The following OS9 variants were observed in gnomAD, a reference collection of about 807,000 sequenced individuals.
The protein encoded by OS9 is OS9 endoplasmic reticulum lectin.
A neutral mutation model predicts 84.7 loss-of-function variants in OS9; 58 were observed. That is an observed-to-expected ratio of 0.68 (90% CI 0.55 to 0.85). The LOEUF (loss-of-function observed/expected upper bound fraction) is 0.85. Ranked by LOEUF, OS9 falls within the 40% of genes least tolerant of loss-of-function variation. The pLI is 0.00. For missense variants in OS9, 760 were observed against 850.9 expected (o/e 0.89, Z 1.33); for synonymous variants, 278 against 320.8 (o/e 0.87, Z 1.43).
At position 57,720,799 on chromosome 12, in the gene OS9, G is replaced by A; in HGVS notation, c.1894G>A (p.Glu632Lys). ...FFNILVPGAE[E>K]AQKERQRQKE... ...CTCCCACCAGGTGCCGGGAGCTGAA[G>A]AGGCCCAGAAGGAACGCCAGCGGCA... The change falls in exon 15 of 15, where the codon GAG becomes AAG. Residue 632 changes from glutamate to lysine, a missense_variant. Physicochemically the swap from Glu to Lys is moderately conservative, Grantham distance 56. Coordinates refer to ENST00000315970, the MANE Select transcript of OS9 (RefSeq NM_006812.4). 1 of 1,611,606 alleles carries A rather than the reference G, an allele frequency of 6.2e-7. No individual in the cohort carries two copies. The highest frequency in any genetic ancestry group is 8.5e-7 in the Non-Finnish European group (1 of 1,178,624).
Position 57,694,195 on chromosome 12 carries a change from G to A in OS9, c.34G>A (p.Gly12Arg). ...GGAAACGCTGCTGTCCAGTTTGTTAGGACTGCTGCTTCTGGGACTCCTGTT... is the reference window on the plus strand; with the variant it reads ...GGAAACGCTGCTGTCCAGTTTGTTAAGACTGCTGCTTCTGGGACTCCTGTT... ...AAETLLSSLL[G>R]LLLLGLLLPA... The change falls in exon 1 of 15, where the codon GGA becomes AGA. Residue 12 changes from glycine to arginine, a missense_variant. Gly to Arg is a moderately radical substitution (Grantham distance 125). Coordinates refer to ENST00000315970, the MANE Select transcript of OS9 (RefSeq NM_006812.4). 4 of 1,614,196 alleles carry A rather than the reference G, an allele frequency of 2.5e-6. No homozygotes were observed. In the South Asian group the frequency reaches 4.4e-5, roughly 18 times the overall value.
intron 4 of OS9, 40 bp downstream of exon 4, chr12:57,696,078 C>A: frequency 6.7e-7 from 1 of 1,493,950 alleles, no homozygotes; most frequent in Non-Finnish European, 9.3e-7. Flanking sequence ...GGGTTCTGGC[C>A]ACCGGCTGAG....
intron 12 of OS9, chr12:57,719,799 CAG>C (rs1954619809): frequency 6.7e-6 from 2 of 297,280 alleles, no homozygotes; most frequent in Non-Finnish European, 1.3e-5. Flanking sequence ...CTTCTTCAAA[CAG>C]AACTTTGTTG....
intron 5 of OS9, among the ~76,000 whole-genome samples, chr12:57,705,784 A>G (rs1301564817): frequency 6.6e-6 from 1 of 152,062 alleles, no homozygotes; most frequent in Non-Finnish European, 1.5e-5. Context: ...CGGCCTACTA[A>G]AGTGCTGGGA....
At position 57,695,469 on chromosome 12, in the gene OS9, A is replaced by G. The variant is rs953317457; in HGVS notation, c.340-311A>G. 4.8e-5 allele frequency: 27 copies of G among 567,940 alleles called. No homozygotes were observed. The Admixed American group carries it at 6.9e-4, about 14-fold the overall frequency. 35.2% of individuals were successfully genotyped at this position (567,940 alleles called of 1,614,324 possible). A position where few individuals can be genotyped will look rare whatever the true frequency, so the allele number is the denominator to read the frequency against. ...TTGGGTTCTTCTATGTTTCCCTAAT[A>G]TAATTGCTTCAGGGATACCATAATT... is the stretch of plus-strand genomic sequence containing the variant. On this transcript the variant is annotated intron_variant, in intron 2 of 14. Coordinates refer to ENST00000315970, the MANE Select transcript of OS9 (RefSeq NM_006812.4).
At chr12:57,717,294 T>C (rs549397353) in intron 9 of OS9, among the ~76,000 whole-genome samples, 35 of 152,328 alleles carry the variant, frequency 2.3e-4, no homozygotes, top group African/African-American at 8.2e-4. Context: ...TTTGCCCTTG[T>C]CTCACTGTCA....
chr12:57,720,726 G>C, intron 14 of OS9, 58 bp from the exon 15 acceptor site: 1 of 1,553,070 alleles, frequency 6.4e-7, no homozygotes, highest in Non-Finnish European at 8.7e-7. Flanking sequence ...GCCTGGCCCA[G>C]GACTTCCCTG....
At chr12:57,700,082 G>A (rs578115314) in intron 5 of OS9, among the ~76,000 whole-genome samples, 142 of 151,806 alleles carry the variant, frequency 9.4e-4, no homozygotes, top group African/African-American at 3.2e-3. Flanking sequence ...GTGACAGAGT[G>A]AGACTGTCTC....
chr12:57,711,659 T>C (rs1052432898), intron 5 of OS9, among the ~76,000 whole-genome samples: 10 of 152,230 alleles, frequency 6.6e-5, no homozygotes, highest in African/African-American at 2.4e-4. Flanking sequence ...TTTGTTTTTA[T>C]AGCTGCATAA....
At chr12:57,700,526 C>T (rs894462143) in intron 5 of OS9, among the ~76,000 whole-genome samples, 3 of 152,144 alleles carry the variant, frequency 2.0e-5, no homozygotes, top group African/African-American at 7.2e-5. Context: ...TCAGGTAAAG[C>T]CCCTACTCCA....
At chr12:57,705,380 T>C (rs1414320670) in intron 5 of OS9, among the ~76,000 whole-genome samples, 2 of 152,210 alleles carry the variant, frequency 1.3e-5, no homozygotes, top group African/African-American at 4.8e-5. Context: ...GCTTTAATTT[T>C]CTCTAAAAGT....
At chr12:57,703,202 T>C (rs1954073994) in intron 5 of OS9, among the ~76,000 whole-genome samples, 1 of 152,196 alleles carries the variant, frequency 6.6e-6, no homozygotes, top group Non-Finnish European at 1.5e-5. Flanking sequence ...CAAAAGCTTT[T>C]AATTTTGATT....
At chr12:57,711,982 T>C (rs1445132315) in intron 5 of OS9, among the ~76,000 whole-genome samples, 1 of 152,226 alleles carries the variant, frequency 6.6e-6, no homozygotes, top group Non-Finnish European at 1.5e-5. Flanking sequence ...GTGCAAGTTA[T>C]GGATATTTAA....
rs1286433953 is a variant in OS9 at position 57,720,474 on chromosome 12, G to A, written c.1834G>A (p.Asp612Asn). 9.3e-6 allele frequency: 15 copies of A among 1,613,880 alleles called. No individual in the cohort carries two copies. The highest frequency in any genetic ancestry group is 1.2e-5 in the Non-Finnish European group (14 of 1,179,818). Residue 612 changes from aspartate (D) to asparagine (N), a missense_variant, in exon 14 of 15, where the codon GAT becomes AAT. By Grantham distance (23) the Asp-to-Asn change is conservative (BLOSUM62 1). Coordinates refer to ENST00000315970, the MANE Select transcript of OS9 (RefSeq NM_006812.4). Reference protein sequence around the residue: ...GTEEGARWLTDEDTRNLKEIF... With the variant: ...GTEEGARWLTNEDTRNLKEIF... Reference sequence around the variant, plus strand: ...TGAAGAGGGTGCACGTTGGCTGACTGATGAGGACACGAGAAACCTCAAGGA... The same window carrying A: ...TGAAGAGGGTGCACGTTGGCTGACTAATGAGGACACGAGAAACCTCAAGGA...
intron 5 of OS9, among the ~76,000 whole-genome samples, chr12:57,697,334 T>C (rs1953877762): frequency 6.6e-6 from 1 of 152,234 alleles, no homozygotes; most frequent in African/African-American, 2.4e-5. Context: ...AAACCTTCAA[T>C]GTTTCTGCCT....
intron 5 of OS9, among the ~76,000 whole-genome samples, chr12:57,710,980 A>G (rs1954308710): frequency 7.3e-6 from 1 of 137,724 alleles, no homozygotes; most frequent in South Asian, 2.4e-4. Flanking sequence ...CAGAGGTTGC[A>G]GTGAGCCGAG....
intron 10 of OS9, 52 bp from the exon 11 acceptor site, chr12:57,718,094 G>A: frequency 3.8e-6 from 6 of 1,583,766 alleles, no homozygotes; most frequent in Non-Finnish European, 5.2e-6. Flanking sequence ...CCCCGACCAT[G>A]TGTCTCTGTT....
At position 57,718,927 on chromosome 12, in the gene OS9, G is replaced by T. The variant is rs1056586789; in HGVS notation, c.1411-66G>T. On this transcript the variant is annotated intron_variant, in intron 11 of 14. Transcript: ENST00000315970. Reference sequence around the variant, plus strand: ...TCAAAATATCAGACTCTCCTACAGAGCCCAGCCCGCTGGCTGCCTCCACAC... The same window carrying T: ...TCAAAATATCAGACTCTCCTACAGATCCCAGCCCGCTGGCTGCCTCCACAC... 1.1e-5 allele frequency: 13 copies of T among 1,178,366 alleles called. No individual in the cohort carries two copies. In the African/African-American group the frequency reaches 1.7e-4, roughly 15 times the overall value. 73.0% of individuals were successfully genotyped at this position (1,178,366 alleles called of 1,614,324 possible).
At chr12:57,711,038 C>CAAAAA in intron 5 of OS9, among the ~76,000 whole-genome samples, 1 of 71,914 alleles carries the variant, frequency 1.4e-5, no homozygotes, top group East Asian at 4.4e-4. Flanking sequence ...GACTCCGTCT[C>CAAAAA]AAAAAAAAAA....
Sources: allele counts gnomAD v4.1 joint callset (sites outside exome capture counted in the v4.1 genomes callset), GRCh38; gene constraint gnomAD v4.1.1; transcripts MANE v1.5; gene names NCBI Gene and HGNC (gene_info 2026-07-23, HGNC 2026-07-21).